The following IFI16 variants were observed in gnomAD, a reference collection of about 807,000 sequenced individuals.
IFI16 encodes the protein gamma-interferon-inducible protein 16.
IFI16 carries 49 observed loss-of-function variants against 68.4 expected under a neutral mutation model. The ratio of observed to expected loss-of-function variants is 0.72; its 90% CI spans 0.57 to 0.91. The LOEUF (loss-of-function observed/expected upper bound fraction) is 0.91. IFI16 is among the 40% of genes least tolerant of loss of function. The pLI, the probability that IFI16 is intolerant of heterozygous loss-of-function variation, is 0.00. For missense variants in IFI16, 878 were observed against 942.9 expected (o/e 0.93, Z 0.90); for synonymous variants, 307 against 315.0 (o/e 0.97, Z 0.27).
rs749719375 is a variant in IFI16, at chr1:159,014,643, T to C, written c.-20-18T>C. The stretch of plus-strand genomic sequence containing the variant: ...CTGTATACATGTGTAACACTGTATA[T>C]ACCATTTTCTCTTGTAGGCTCACTT... On this transcript the variant is annotated intron_variant, in intron 1 of 11. Coordinates refer to ENST00000295809, the MANE Select transcript of IFI16 (RefSeq NM_001376587.1). The C allele has an allele frequency of 6.6e-7, 1 of 1,526,338 alleles. No individual in the cohort carries two copies. The highest frequency in any genetic ancestry group is 1.4e-5 in the African/African-American group (1 of 72,248). The allele number at this position is 1,526,338 out of a possible 1,614,324, so 94.5% of individuals were successfully genotyped here. A position where few individuals can be genotyped will look rare whatever the true frequency, so the allele number is the denominator to read the frequency against.
intron 3 of IFI16, 70 bp from the exon 4 acceptor site, chr1:159,016,463 C>A: frequency 7.5e-7 from 1 of 1,340,698 alleles, no homozygotes; most frequent in Non-Finnish European, 1.0e-6. Context: ...AACTACTATC[C>A]AATAATGAAA....
intron 7 of IFI16, among the ~76,000 whole-genome samples, chr1:159,041,574 C>T (rs1439321991): frequency 6.6e-6 from 1 of 152,138 alleles, no homozygotes; most frequent in Non-Finnish European, 1.5e-5. Context: ...TACTCTGAGT[C>T]ATGCCCCCCT....
intron 11 of IFI16, among the ~76,000 whole-genome samples, chr1:159,054,034 TA>T (rs112481154): frequency 0.047 from 7,095 of 152,322 alleles, 183 homozygotes; most frequent in African/African-American, 0.059. Context: ...TTGTTTCAAC[TA>T]GCTGGTTCTG....
intron 8 of IFI16, among the ~76,000 whole-genome samples, chr1:159,047,911 T>C (rs1293248688): frequency 1.3e-5 from 2 of 150,532 alleles, no homozygotes; most frequent in African/African-American, 4.9e-5. Flanking sequence ...GGATTTATTC[T>C]GAGGGAAAAC....
Position 159,032,597 on chromosome 1 carries a change from C to G in IFI16, c.1235C>G (p.Pro412Arg). The G allele has an allele frequency of 6.2e-7, 1 of 1,612,408 alleles. No individual in the cohort carries two copies. The highest frequency in any genetic ancestry group is 8.5e-7 in the Non-Finnish European group (1 of 1,179,158). The change falls in exon 7 of 12, where the codon CCA becomes CGA. Residue 412 changes from proline (P) to arginine (R), a missense_variant. Around this residue, in one of 4 missense-constraint regions of IFI16, gnomAD observed 443 missense variants for 421.8 expected, o/e 1.05. Transcript: ENST00000295809. ...CTACCCCAGGAACAGCGTCAGCTTC[C>G]ATATCCTTCAGAGGCCAGCACAACC... Reference protein sequence around the residue: ...MKLPQEQRQLPYPSEASTTFP... With the variant: ...MKLPQEQRQLRYPSEASTTFP...
chr1:159,009,437 T>G (rs994809256), upstream of IFI16, among the ~76,000 whole-genome samples: 4 of 152,154 alleles, frequency 2.6e-5, no homozygotes, highest in African/African-American at 9.7e-5. Context: ...AGTAAAGTAT[T>G]GGTAGCAATA....
intron 6 of IFI16, among the ~76,000 whole-genome samples, chr1:159,025,175 G>A (rs190338416): frequency 1.1e-3 from 166 of 152,208 alleles, no homozygotes; most frequent in African/African-American, 3.7e-3. Context: ...CCATGGTGAC[G>A]CCTCCCGCTC....
chr1:159,052,252 T>A, intron 10 of IFI16, 154 bp downstream of exon 10: 1 of 612,052 alleles, frequency 1.6e-6, no homozygotes, highest in Non-Finnish European at 2.9e-6. Context: ...TAGAGTTCAT[T>A]TCAGGATATG....
chr1:159,015,119 A>G (rs889607066), intron 2 of IFI16, among the ~76,000 whole-genome samples, 174 bp downstream of exon 2: 8 of 152,194 alleles, frequency 5.3e-5, no homozygotes, highest in Non-Finnish European at 8.8e-5. Context: ...AGTGCATTCC[A>G]TTACTGGTGT....
chr1:159,025,726 T>A (rs1019482875), intron 6 of IFI16, among the ~76,000 whole-genome samples: 1 of 152,252 alleles, frequency 6.6e-6, no homozygotes, highest in Non-Finnish European at 1.5e-5. Context: ...TTTTGGGTTC[T>A]TAGTCCTGAA....
chr1:159,014,524 A>G, intron 1 of IFI16, 137 bp from the exon 2 acceptor site: 1 of 532,758 alleles, frequency 1.9e-6, no homozygotes, highest in Non-Finnish European at 3.3e-6. Flanking sequence ...ACAGTAACAC[A>G]TTTGGTCGTT....
At chr1:159,026,450 C>T (rs1315229118) in intron 6 of IFI16, among the ~76,000 whole-genome samples, 1 of 152,068 alleles carries the variant, frequency 6.6e-6, no homozygotes, top group East Asian at 1.9e-4. Context: ...AGGTGCTTGC[C>T]ACCACGCCTG....
rs547991000 is a variant in IFI16 at position 159,025,189 on chromosome 1, T to A, written c.1161+4660T>A. ...CCCATGGTGACGCCTCCCGCTCCAT[T>A]CCTGCTCAGCGCCGCCCAAGGGATG... On this transcript the variant is annotated intron_variant, in intron 6 of 11. Coordinates refer to ENST00000295809, the MANE Select transcript of IFI16 (RefSeq NM_001376587.1). 7.2e-5 allele frequency among the ~76,000 whole-genome samples: 11 copies of A among 152,298 alleles called. No homozygotes were observed. In the South Asian group the frequency reaches 2.3e-3, roughly 32 times the overall value.
chr1:159,004,714 C>G (rs1652189213), upstream of IFI16, among the ~76,000 whole-genome samples: 1 of 152,040 alleles, frequency 6.6e-6, no homozygotes, highest in Non-Finnish European at 1.5e-5. Flanking sequence ...TTCCCAAAAC[C>G]AGATGTTTAG....
rs1322950051 is a variant in IFI16 at position 159,018,386 on chromosome 1, A to G, written c.707A>G (p.Gln236Arg). The G allele has an allele frequency of 6.2e-7, 1 of 1,614,234 alleles. No homozygotes were observed. Among genetic ancestry groups the G allele is most frequent in the Admixed American group, 1.7e-5 (1 of 60,032 alleles). Reference protein sequence around the residue: ...KIMFHATVATQTQFFHVKVLN... With the variant: ...KIMFHATVATRTQFFHVKVLN... ...ATGTTTCATGCTACAGTGGCTACAC[A>G]GACACAGTTCTTCCATGTGAAGGTT... Residue 236 changes from glutamine to arginine, a missense_variant, in exon 5 of 12, where the codon CAG becomes CGG. Coordinates refer to ENST00000295809, the MANE Select transcript of IFI16 (RefSeq NM_001376587.1).
intron 6 of IFI16, among the ~76,000 whole-genome samples, chr1:159,029,525 G>T (rs1653872200): frequency 6.6e-6 from 1 of 152,128 alleles, no homozygotes; most frequent in South Asian, 2.1e-4. Context: ...GTATTTGGAT[G>T]TCTAGATCTC....
Position 159,015,899 on chromosome 1 carries a change from G to T in IFI16, c.293G>T (p.Arg98Met), listed in dbSNP as rs1319676806. 1.2e-6 allele frequency: 2 copies of T among 1,613,952 alleles called. No homozygotes were observed. The highest frequency in any genetic ancestry group is 1.7e-5 in the Admixed American group (1 of 60,014). Residue 98 changes from arginine (R) to methionine (M), a missense_variant, in exon 3 of 12, where the codon AGG becomes ATG. By Grantham distance (91) the Arg-to-Met change is moderately conservative. This residue lies in a region of IFI16 where 443 missense variants were observed against 421.8 expected (regional missense o/e 1.05). Coordinates refer to ENST00000295809, the MANE Select transcript of IFI16 (RefSeq NM_001376587.1). Reference sequence around the variant, plus strand: ...AAAGGACCAGCCCTATCAAGAAAGAGGAAGAAGGAAGTGGATGCTACTTCA... The same window carrying T: ...AAAGGACCAGCCCTATCAAGAAAGATGAAGAAGGAAGTGGATGCTACTTCA... ...KVKGPALSRKRKKEVDATSPA... is the reference protein window; with the variant it reads ...KVKGPALSRKMKKEVDATSPA...
At chr1:159,032,344 T>G (rs1224132119) in intron 6 of IFI16, among the ~76,000 whole-genome samples, 180 bp from the exon 7 acceptor site, 1 of 152,074 alleles carries the variant, frequency 6.6e-6, no homozygotes, top group Non-Finnish European at 1.5e-5. Context: ...ACTTGATCAT[T>G]CCACATTTTA....
chr1:159,033,816 G>C (rs1411631255), intron 7 of IFI16, among the ~76,000 whole-genome samples: 1 of 152,196 alleles, frequency 6.6e-6, no homozygotes, highest in African/African-American at 2.4e-5. Context: ...GTGGTGATCA[G>C]AGTGTGTTCT....
Sources: allele counts gnomAD v4.1 joint callset (sites outside exome capture counted in the v4.1 genomes callset), GRCh38; gene constraint gnomAD v4.1.1; regional missense constraint gnomAD v4.1.1; transcripts MANE v1.5; gene names NCBI Gene and HGNC (gene_info 2026-07-23, HGNC 2026-07-21).